The following INO80 variants were observed in gnomAD, a reference collection of about 807,000 sequenced individuals.
INO80 encodes the protein chromatin-remodeling ATPase INO80.
Under a neutral mutation model 203.4 loss-of-function variants are expected in INO80, and 20 were observed. The ratio of observed to expected loss-of-function variants is 0.10; its 90% CI spans 0.07 to 0.14. The LOEUF is 0.14. Among genes scored for constraint, INO80 ranks in the 10% least tolerant of loss-of-function variants. The probability of loss-of-function intolerance (pLI) is 1.00; values close to 1 mark genes in which losing one functional copy is unlikely to be tolerated. For synonymous variants in INO80, 726 were observed against 685.2 expected (o/e 1.06, Z -0.93); for missense variants, 1,419 against 1,914.4 (o/e 0.74, Z 4.83).
chr15:41,023,062 C>CT (rs1284593530), intron 25 of INO80, among the ~76,000 whole-genome samples: 1 of 147,370 alleles, frequency 6.8e-6, no homozygotes, highest in Non-Finnish European at 1.5e-5. Context: ...GACTGTGCCA[C>CT]TGCACTCCAG....
intron 25 of INO80, among the ~76,000 whole-genome samples, chr15:41,022,251 CAGGAG>C (rs1388800973): frequency 3.9e-5 from 6 of 152,222 alleles, no homozygotes; most frequent in Non-Finnish European, 7.3e-5. Context: ...GGCCACAGCA[CAGGAG>C]AGATCAGAAC....
chr15:41,025,118 G>A (rs952622748), intron 25 of INO80, among the ~76,000 whole-genome samples: 1 of 152,212 alleles, frequency 6.6e-6, no homozygotes, highest in Non-Finnish European at 1.5e-5. Flanking sequence ...AACGATAAAA[G>A]CTTTCTCCTG....
chr15:41,101,674 C>G (rs796441698), intron 1 of INO80, among the ~76,000 whole-genome samples: 13 of 151,526 alleles, frequency 8.6e-5, no homozygotes, highest in African/African-American at 3.1e-4. Context: ...CTCAGCCTCC[C>G]GAGTAGCTGG....
At chr15:41,108,237 T>C (rs891911543) in intron 1 of INO80, among the ~76,000 whole-genome samples, 1 of 152,066 alleles carries the variant, frequency 6.6e-6, no homozygotes, top group South Asian at 2.1e-4. Context: ...CAACTTTCAG[T>C]GGAAACAGCA....
intron 1 of INO80, among the ~76,000 whole-genome samples, chr15:41,104,658 C>T (rs897466647): frequency 6.6e-6 from 1 of 152,116 alleles, no homozygotes; most frequent in South Asian, 2.1e-4. Flanking sequence ...CTGCCTCAGT[C>T]TTCCGAGTAG....
At chr15:41,051,802 C>T (rs1038164994) in intron 19 of INO80, among the ~76,000 whole-genome samples, 17 of 151,892 alleles carry the variant, frequency 1.1e-4, no homozygotes, top group Admixed American at 9.8e-4. Flanking sequence ...ACTAAAAATA[C>T]AAAAATTAGC....
intron 17 of INO80, among the ~76,000 whole-genome samples, chr15:41,055,869 C>T (rs2412600): frequency 0.91 from 137,928 of 151,788 alleles, 63,841 homozygotes; most frequent in East Asian, 1. Flanking sequence ...TGAGTAGCTG[C>T]AACCATGATT....
rs374598605 is a variant in INO80, at chr15:41,020,916, A to C, written c.3258T>G (p.Ser1086=). ...AGAACTCACCTGGAATCCTGATGAA[A>C]GACCAGCCATTCTGAGGTCTGATGC... ...LWSIRPQNGW[S]FIRIPGKESL... The change falls in exon 26 of 36, where the codon TCT becomes TCG. Residue 1086 remains serine (S), a synonymous_variant. Transcript: ENST00000648947. The C allele has an allele frequency of 1.0e-4, 168 of 1,611,656 alleles. No homozygotes were observed. The highest frequency in any genetic ancestry group is 2.0e-4 in the Admixed American group (12 of 59,986).
chr15:41,070,267 A>G (rs1454167276), intron 13 of INO80, among the ~76,000 whole-genome samples, 200 bp downstream of exon 13: 1 of 152,222 alleles, frequency 6.6e-6, no homozygotes, highest in Non-Finnish European at 1.5e-5. Flanking sequence ...TCAAAATCAC[A>G]TGCTCAAAAA....
At chr15:40,980,882 A>G (rs1213254981) in intron 35 of INO80, among the ~76,000 whole-genome samples, 1 of 152,192 alleles carries the variant, frequency 6.6e-6, no homozygotes, top group African/African-American at 2.4e-5. Context: ...AAGTCGGGCC[A>G]GAGGGTACAA....
At chr15:41,060,443 G>A (rs760420435) in intron 14 of INO80, among the ~76,000 whole-genome samples, 16 of 152,020 alleles carry the variant, frequency 1.1e-4, no homozygotes, top group Non-Finnish European at 1.8e-4. Context: ...AAAATTAGCC[G>A]GGTGTGGTGG....
chr15:40,979,568 T>C lies in INO80; in HGVS notation c.*655A>G, dbSNP rs1220069260. The C allele has an allele frequency of 6.5e-6, 1 of 153,434 alleles. No individual in the cohort carries two copies. The allele number at this position is 153,434 out of a possible 1,614,324, so 9.5% of individuals were successfully genotyped here. A position where few individuals can be genotyped will look rare whatever the true frequency, so the allele number is the denominator to read the frequency against. On this transcript the variant is annotated 3_prime_UTR_variant, in exon 36 of 36. Coordinates refer to ENST00000648947, the MANE Select transcript of INO80 (RefSeq NM_017553.3). ...GGGTGGAAGGTGCTACGGTTGCTGG[T>C]AGGATCTGAAGGTTCTCTTGGTGTG...
intron 24 of INO80, among the ~76,000 whole-genome samples, chr15:41,039,964 G>T (rs74014742): frequency 6.6e-6 from 1 of 152,244 alleles, no homozygotes; most frequent in Admixed American, 6.5e-5. Flanking sequence ...AATAGAGTAC[G>T]AATGTTGTTA....
At chr15:41,046,367 C>T (rs1287069711) in intron 23 of INO80, among the ~76,000 whole-genome samples, 1 of 149,900 alleles carries the variant, frequency 6.7e-6, no homozygotes, top group Non-Finnish European at 1.5e-5. Context: ...GTAGCTGAAA[C>T]AGGCGCGTGG....
At chr15:41,095,559 A>G (rs1434613385) in intron 4 of INO80, 42 bp downstream of exon 4, 1 of 1,386,104 alleles carries the variant, frequency 7.2e-7, no homozygotes, top group African/African-American at 1.4e-5. Context: ...TAGTAACTTT[A>G]GTAGACTATC....
At chr15:41,013,720 G>T (rs958903489) in intron 27 of INO80, among the ~76,000 whole-genome samples, 9 of 152,198 alleles carry the variant, frequency 5.9e-5, no homozygotes, top group African/African-American at 2.2e-4. Flanking sequence ...CATTAGTGTA[G>T]TATTAAGGAA....
chr15:41,056,456 G>A (rs1033326886), intron 17 of INO80, among the ~76,000 whole-genome samples, 166 bp downstream of exon 17: 1 of 152,180 alleles, frequency 6.6e-6, no homozygotes, highest in Non-Finnish European at 1.5e-5. Context: ...AAGAAAACAG[G>A]AATGATGCCT....
intron 26 of INO80, chr15:41,017,267 C>G (rs541347105): frequency 6.6e-6 from 1 of 152,288 alleles, no homozygotes; most frequent in African/African-American, 2.4e-5. Flanking sequence ...TAACTCCTAT[C>G]ATATTCAGGA....
In INO80 at chr15:41,092,792, C is replaced by A. The variant is rs555230247; in HGVS notation, c.382-610G>T. 2.2e-4 allele frequency among the ~76,000 whole-genome samples: 34 copies of A among 152,248 alleles called. 1 individual carries two copies. The highest frequency in any genetic ancestry group is 7.7e-4 in the African/African-American group (32 of 41,550). ...AATGTCTAGGCTGGGAGTGGTGGCT[C>A]ACACCTGTAATCCCAACACTTTGGC... On this transcript the variant is annotated intron_variant, in intron 4 of 35. Transcript: ENST00000648947.
Sources: gnomAD v4.1 joint callset for allele counts (sites outside exome capture counted in the v4.1 genomes callset) on GRCh38, gnomAD v4.1.1 for gene constraint, MANE v1.5 for transcripts, NCBI Gene and HGNC (gene_info 2026-07-23, HGNC 2026-07-21) for gene names.